DPF2: variants seen among roughly 807,000 people sequenced by gnomAD.
DPF2 encodes zinc finger protein ubi-d4.
Under a neutral mutation model 59.6 loss-of-function variants are expected in DPF2, and 10 were observed. The observed-to-expected ratio is 0.17, with a 90% confidence interval of 0.10 to 0.28. DPF2 has a LOEUF of 0.28. Among genes scored for constraint, DPF2 ranks in the 10% least tolerant of loss-of-function variants. The probability of loss-of-function intolerance (pLI) is 1.00; values close to 1 mark genes in which losing one functional copy is unlikely to be tolerated. For synonymous variants in DPF2, 189 were observed against 190.6 expected (o/e 0.99, Z 0.07); for missense variants, 315 against 509.4 (o/e 0.62, Z 3.67).
At position 65,336,432 on chromosome 11, in the gene DPF2, A is replaced by C. The variant is rs1950095829; in HGVS notation, c.32+2514A>C. 2.6e-5 allele frequency among the ~76,000 whole-genome samples: 4 copies of C among 151,926 alleles called. No homozygotes were observed. In the South Asian group the frequency reaches 8.3e-4, roughly 32 times the overall value. On this transcript the variant is annotated intron_variant, in intron 1 of 10. Coordinates refer to ENST00000528416, the MANE Select transcript of DPF2 (RefSeq NM_006268.5). Reference sequence around the variant, plus strand: ...GCCTGAACCCAGGCGGCAGAGGTTGAAGTGAGCTGATATCACACCACTGCC... The same window carrying C: ...GCCTGAACCCAGGCGGCAGAGGTTGCAGTGAGCTGATATCACACCACTGCC...
At position 65,351,572 on chromosome 11, in the gene DPF2, G is replaced by A. The variant is rs529886851; in HGVS notation, c.1100-111G>A. On this transcript the variant is annotated intron_variant, in intron 10 of 10. Coordinates refer to ENST00000528416, the MANE Select transcript of DPF2 (RefSeq NM_006268.5). ...ACTTTCCTGCTGCAGAGCATCCCTC[G>A]TCCTACCTGTAGCTGATCCTGCTAT... is the stretch of plus-strand genomic sequence containing the variant. The A allele has an allele frequency of 2.0e-3, 1,827 of 894,948 alleles. 3 individuals are homozygous for A. Among genetic ancestry groups the A allele is most frequent in the Middle Eastern group, 2.9e-3 (13 of 4,486 alleles). The allele number at this position is 894,948 out of a possible 1,614,324, so 55.4% of individuals were successfully genotyped here.
chr11:65,353,111 T>G lies in DPF2; in HGVS notation c.*1352T>G, dbSNP rs542347951. Reference sequence around the variant, plus strand: ...CTTTTTTCCCCCCAAATTAAAATTTTTTTGTGGAACCCCAATATGTAAAGC... The same window carrying G: ...CTTTTTTCCCCCCAAATTAAAATTTGTTTGTGGAACCCCAATATGTAAAGC... On this transcript the variant is annotated 3_prime_UTR_variant, in exon 11 of 11. Transcript: ENST00000528416. 1 of 152,262 alleles carries G rather than the reference T, an allele frequency of 6.6e-6. No individual in the cohort carries two copies. The highest frequency in any genetic ancestry group is 6.5e-5 in the Admixed American group (1 of 15,284). The allele number at this position is 152,262 out of a possible 1,614,324, so 9.4% of individuals were successfully genotyped here. A position where few individuals can be genotyped will look rare whatever the true frequency, so the allele number is the denominator to read the frequency against.
rs1405376119 is a variant in DPF2, at chr11:65,345,820, G to T, written c.775+17G>T. ...AGCAGAAATGTAAGCTGAGGTGTCA[G>T]AAGTGGTGGGCAAGCAGAAGTTGGC... On this transcript the variant is annotated intron_variant, in intron 7 of 10. Coordinates refer to ENST00000528416, the MANE Select transcript of DPF2 (RefSeq NM_006268.5). 1 of 1,613,834 alleles carries T rather than the reference G, an allele frequency of 6.2e-7. No homozygotes were observed. Among genetic ancestry groups the T allele is most frequent in the Admixed American group, 1.7e-5 (1 of 59,964 alleles).
In DPF2 at chr11:65,334,027, G is replaced by A; in HGVS notation, c.32+109G>A. The stretch of plus-strand genomic sequence containing the variant: ...CGGAGAGAGGGACATCCCCGGGAAA[G>A]CCATGTTGCGACTCCTGGTGGGGAG... On this transcript the variant is annotated intron_variant, in intron 1 of 10. Coordinates refer to ENST00000528416, the MANE Select transcript of DPF2 (RefSeq NM_006268.5). The A allele has an allele frequency of 3.4e-6, 5 of 1,487,848 alleles. No individual in the cohort carries two copies. The South Asian group carries it at 6.0e-5, about 18-fold the overall frequency. The allele number at this position is 1,487,848 out of a possible 1,614,324, so 92.2% of individuals were successfully genotyped here.
At chr11:65,345,404 C>T (rs371126081) in intron 6 of DPF2, 28 of 500,362 alleles carry the variant, frequency 5.6e-5, no homozygotes, top group Non-Finnish European at 8.3e-5. Flanking sequence ...GCTAAGCCCC[C>T]CAAAAGTCAA....
At chr11:65,337,495 ATATATAT>A (rs1854215873) in intron 1 of DPF2, among the ~76,000 whole-genome samples, 1 of 72,876 alleles carries the variant, frequency 1.4e-5, no homozygotes, top group African/African-American at 5.7e-5. Flanking sequence ...ATATATATAT[ATATATAT>A]ATAGAGAGAG....
intron 1 of DPF2, among the ~76,000 whole-genome samples, chr11:65,338,314 A>G (rs1854266519): frequency 1.3e-5 from 2 of 151,948 alleles, no homozygotes; most frequent in African/African-American, 2.4e-5. Flanking sequence ...CTCCCCCCAC[A>G]CTTCAGTGTT....
At chr11:65,336,880 G>A (rs1424005301) in intron 1 of DPF2, among the ~76,000 whole-genome samples, 1 of 151,134 alleles carries the variant, frequency 6.6e-6, no homozygotes, top group Non-Finnish European at 1.5e-5. Flanking sequence ...CACAAGGTCA[G>A]GAGTTTGAGA....
chr11:65,337,492 TATATATATATATAG>T lies in DPF2; in HGVS notation c.33-2891_33-2878del, dbSNP rs1427364447. 8.1e-3 allele frequency among the ~76,000 whole-genome samples: 546 copies of T among 67,356 alleles called. 8 individuals carry two copies. The highest frequency in any genetic ancestry group is 0.012 in the Non-Finnish European group (435 of 35,714). The allele number at this position is 67,356 out of a possible 152,430, so 44.2% of individuals were successfully genotyped here. A position where few individuals can be genotyped will look rare whatever the true frequency, so the allele number is the denominator to read the frequency against. On this transcript the variant is annotated intron_variant, in intron 1 of 10. Coordinates refer to ENST00000528416, the MANE Select transcript of DPF2 (RefSeq NM_006268.5). ...AAAAAAAAATATATATATATATATA[TATATATATATATAG>T]AGAGAGAGAGAGAGAGAGAGAGAGA...
At chr11:65,349,049 C>G (rs964531733) in intron 10 of DPF2, 118 bp downstream of exon 10, 4 of 1,185,206 alleles carry the variant, frequency 3.4e-6, no homozygotes, top group Non-Finnish European at 4.8e-6. Context: ...GAGTAAAGCA[C>G]CTTGCCTTGG....
At chr11:65,350,272 C>G (rs1565543199) in intron 10 of DPF2, among the ~76,000 whole-genome samples, 1 of 151,960 alleles carries the variant, frequency 6.6e-6, no homozygotes, top group Non-Finnish European at 1.5e-5. Context: ...GGTCAGCAAG[C>G]TACAAGCTAA....
rs146389394 is a variant in DPF2 at position 65,334,746 on chromosome 11, A to T, written c.32+828A>T. ...GGGACTTGATTTATTCCTACAGAAG[A>T]ATCAGAATGAGTTTTAGATTGGGTT... On this transcript the variant is annotated intron_variant, in intron 1 of 10. Transcript: ENST00000528416. 6.8e-3 allele frequency among the ~76,000 whole-genome samples: 1,033 copies of T among 152,320 alleles called. 7 individuals carry two copies. The highest frequency in any genetic ancestry group is 0.01 in the Non-Finnish European group (682 of 68,034).
chr11:65,337,542 G>GAGAA (rs1854232150), intron 1 of DPF2, among the ~76,000 whole-genome samples: 1 of 129,132 alleles, frequency 7.7e-6, no homozygotes, highest in African/African-American at 3.0e-5. Context: ...GAGAGAGAGA[G>GAGAA]AGAGAACAAT....
At chr11:65,350,900 A>G (rs1418140401) in intron 10 of DPF2, among the ~76,000 whole-genome samples, 2 of 151,686 alleles carry the variant, frequency 1.3e-5, no homozygotes, top group Non-Finnish European at 2.9e-5. Flanking sequence ...AATTGCTTGA[A>G]TCTGGGAGGC....
At chr11:65,346,631 A>G (rs1396809981) in intron 9 of DPF2, 1 of 380,004 alleles carries the variant, frequency 2.6e-6, no homozygotes, top group Non-Finnish European at 4.8e-6. Context: ...CAGGAACAAC[A>G]ATAAGCAAGG....
intron 9 of DPF2, 97 bp from the exon 10 acceptor site, chr11:65,348,753 C>CA: frequency 8.3e-7 from 1 of 1,210,968 alleles, no homozygotes. Flanking sequence ...TCTGTTCTTA[C>CA]CTGCTACCTA....
rs574310931 is a variant in DPF2, at chr11:65,336,970, C to T, written c.32+3052C>T. Among the ~76,000 whole-genome samples the T allele has an allele frequency of 7.9e-5, 12 of 151,628 alleles. No individual in the cohort carries two copies. In the South Asian group the frequency reaches 2.5e-3, roughly 32 times the overall value. ...GGGCATGGTGGCGTGCACCTGTAGT[C>T]CCAGCTACTCAGGAGGCTGAGGCAG... On this transcript the variant is annotated intron_variant, in intron 1 of 10. Coordinates refer to ENST00000528416, the MANE Select transcript of DPF2 (RefSeq NM_006268.5).
intron 3 of DPF2, 111 bp from the exon 4 acceptor site, chr11:65,341,288 C>T: frequency 1.3e-6 from 2 of 1,486,034 alleles, no homozygotes; most frequent in Admixed American, 2.0e-5. Context: ...CCTGGGCGTG[C>T]AGAGAACAAA....
chr11:65,347,639 C>T (rs1273003467), intron 9 of DPF2: 2 of 151,572 alleles, frequency 1.3e-5, no homozygotes, highest in Non-Finnish European at 2.9e-5. Context: ...CTGGCCTTGT[C>T]TTATATTTTA....
Sources: allele counts gnomAD v4.1 joint callset (sites outside exome capture counted in the v4.1 genomes callset), GRCh38; gene constraint gnomAD v4.1.1; transcripts MANE v1.5; gene names NCBI Gene and HGNC (gene_info 2026-07-23, HGNC 2026-07-21).